PDE4B: variants seen among roughly 807,000 people sequenced by gnomAD.
PDE4B encodes phosphodiesterase 4B.
A neutral mutation model predicts 82.2 loss-of-function variants in PDE4B; 20 were observed. The observed-to-expected ratio is 0.24, with a 90% CI of 0.17 to 0.35. The LOEUF (loss-of-function observed/expected upper bound fraction) is 0.35, where lower values mean the gene tolerates loss of function less well. Among genes scored for constraint, PDE4B ranks in the 10% least tolerant of loss-of-function variants. PDE4B has a pLI of 1.00. For synonymous variants in PDE4B, 320 were observed against 318.9 expected (o/e 1.00, Z -0.04); for missense variants, 655 against 907.2 (o/e 0.72, Z 3.57).
chr1:66,049,997 A>G (rs1654929973), intron 3 of PDE4B, among the ~76,000 whole-genome samples: 1 of 152,110 alleles, frequency 6.6e-6, no homozygotes, highest in Admixed American at 6.6e-5. Context: ...TTAGAAGAAT[A>G]ATTCAAAAAG....
chr1:65,961,453 T>G (rs1649536545), intron 3 of PDE4B, among the ~76,000 whole-genome samples: 1 of 152,162 alleles, frequency 6.6e-6, no homozygotes, highest in African/African-American at 2.4e-5. Context: ...TATTATAATA[T>G]TATAATTTTA....
chr1:66,312,184 G>T (rs1392806290), intron 7 of PDE4B, among the ~76,000 whole-genome samples: 2 of 152,230 alleles, frequency 1.3e-5, no homozygotes, highest in Non-Finnish European at 2.9e-5. Context: ...TTAGGTGGAT[G>T]TTGAGCCTCC....
At chr1:66,254,150 A>G (rs1488773781) in intron 4 of PDE4B, among the ~76,000 whole-genome samples, 1 of 152,202 alleles carries the variant, frequency 6.6e-6, no homozygotes, top group Non-Finnish European at 1.5e-5. Flanking sequence ...TCTTGTCCCA[A>G]ATTCATCCTG....
intron 3 of PDE4B, among the ~76,000 whole-genome samples, chr1:65,950,631 A>G (rs990534234): frequency 6.6e-6 from 1 of 152,080 alleles, no homozygotes; most frequent in African/African-American, 2.4e-5. Flanking sequence ...CTAGTCGTAC[A>G]TAGAGAAAAA....
At chr1:66,057,971 A>G (rs1362916214) in intron 3 of PDE4B, among the ~76,000 whole-genome samples, 1 of 152,208 alleles carries the variant, frequency 6.6e-6, no homozygotes. Context: ...TCCACAGTTC[A>G]CAAAGTCTCA....
At chr1:66,075,890 TAA>T (rs1468200110) in intron 3 of PDE4B, among the ~76,000 whole-genome samples, 10 of 92,794 alleles carry the variant, frequency 1.1e-4, no homozygotes, top group African/African-American at 4.0e-4. Flanking sequence ...CATTCACATT[TAA>T]ACAAAACAAA....
chr1:66,258,440 T>C (rs770017506), intron 6 of PDE4B, among the ~76,000 whole-genome samples: 1 of 152,230 alleles, frequency 6.6e-6, no homozygotes, highest in Non-Finnish European at 1.5e-5. Flanking sequence ...TTTATATTCC[T>C]TGCAGTAACA....
chr1:66,230,710 G>T (rs567382408), intron 3 of PDE4B, among the ~76,000 whole-genome samples: 1 of 152,110 alleles, frequency 6.6e-6, no homozygotes, highest in Non-Finnish European at 1.5e-5. Context: ...TCCTACTAAC[G>T]TTAAATAACA....
chr1:66,316,270 C>T (rs1659021910), intron 7 of PDE4B, among the ~76,000 whole-genome samples: 1 of 152,176 alleles, frequency 6.6e-6, no homozygotes, highest in Admixed American at 6.5e-5. Flanking sequence ...CCCTTGTTTA[C>T]TACTATTTCA....
intron 7 of PDE4B, chr1:66,330,799 G>A: frequency 1.0e-6 from 1 of 985,210 alleles, no homozygotes; most frequent in Non-Finnish European, 1.2e-6. Flanking sequence ...TCTTCGTGTT[G>A]AGGCAGCATT....
rs201870340 is a variant in PDE4B, at chr1:65,793,429, G to A, written c.-71+181G>A. On this transcript the variant is annotated intron_variant, in intron 1 of 16. Coordinates refer to ENST00000341517, the MANE Select transcript of PDE4B (RefSeq NM_002600.4). ...CATTGTCGCCCCTTGTAGGAAATCC[G>A]CCAACCGGCCCCTAGCCTTTCGCCC... Among the ~76,000 whole-genome samples the A allele has an allele frequency of 9.8e-5, 15 of 152,302 alleles. No homozygotes were observed. The East Asian group carries it at 2.9e-3, about 29-fold the overall frequency.
intron 7 of PDE4B, among the ~76,000 whole-genome samples, chr1:66,326,181 G>A (rs1659740923): frequency 6.6e-6 from 1 of 152,142 alleles, no homozygotes; most frequent in Non-Finnish European, 1.5e-5. Flanking sequence ...TTCTGCTCTT[G>A]TTTTTTTAAA....
intron 1 of PDE4B, among the ~76,000 whole-genome samples, chr1:65,795,800 G>C (rs1645625688): frequency 6.6e-6 from 1 of 152,132 alleles, no homozygotes; most frequent in Non-Finnish European, 1.5e-5. Flanking sequence ...CCTTCCTCAG[G>C]TGTGGATAAC....
intron 3 of PDE4B, among the ~76,000 whole-genome samples, chr1:66,118,392 TA>T (rs1472549401): frequency 3.3e-5 from 5 of 152,186 alleles, no homozygotes; most frequent in South Asian, 4.1e-4. Flanking sequence ...TATGCAGCCA[TA>T]AAAAAGGATG....
rs185262950 is a variant in PDE4B at position 66,313,145 on chromosome 1, C to T, written c.635-19363C>T. On this transcript the variant is annotated intron_variant, in intron 7 of 16. Transcript: ENST00000341517. ...AGTGTTAAGTCTCTTTACTTTTTCC[C>T]TCTGCTTAAAATGCACTTACCTTCT... Among the ~76,000 whole-genome samples, 25 of 152,264 alleles carry T rather than the reference C, an allele frequency of 1.6e-4. No individual in the cohort carries two copies. In the East Asian group the frequency reaches 3.3e-3, roughly 20 times the overall value.
chr1:65,880,335 A>G (rs1178366795), intron 1 of PDE4B, among the ~76,000 whole-genome samples: 1 of 152,204 alleles, frequency 6.6e-6, no homozygotes, highest in Non-Finnish European at 1.5e-5. Context: ...AAGTATTTCC[A>G]TGCTTATGCT....
chr1:66,363,770 A>G (rs1663009066), intron 12 of PDE4B, among the ~76,000 whole-genome samples, 199 bp downstream of exon 12: 1 of 152,152 alleles, frequency 6.6e-6, no homozygotes, highest in Admixed American at 6.5e-5. Context: ...CTGTCTCTAA[A>G]AAAATAAAAA....
At chr1:65,818,871 G>A (rs979615697) in intron 1 of PDE4B, among the ~76,000 whole-genome samples, 2 of 152,066 alleles carry the variant, frequency 1.3e-5, no homozygotes, top group South Asian at 4.1e-4. Context: ...GCTCAACAAA[G>A]TCAGGGATAG....
chr1:66,309,596 G>C (rs1658528041), intron 7 of PDE4B, among the ~76,000 whole-genome samples: 1 of 152,206 alleles, frequency 6.6e-6, no homozygotes, highest in South Asian at 2.1e-4. Flanking sequence ...AGTTTAGCCA[G>C]GTGATGAATA....
Sources: gnomAD v4.1 joint callset for allele counts (sites outside exome capture counted in the v4.1 genomes callset) on GRCh38, gnomAD v4.1.1 for gene constraint, MANE v1.5 for transcripts, NCBI Gene and HGNC (gene_info 2026-07-23, HGNC 2026-07-21) for gene names.